The following AHCYL2 variants were observed in gnomAD, a reference collection of about 807,000 sequenced individuals.
AHCYL2 encodes adenosylhomocysteinase like 2, also known as S-adenosylhomocysteine hydrolase-like protein 2.
AHCYL2 carries 28 observed loss-of-function variants against 81.4 expected under a neutral mutation model. The ratio of observed to expected loss-of-function variants is 0.34; its 90% CI spans 0.25 to 0.47. The LOEUF (loss-of-function observed/expected upper bound fraction) is 0.47, where lower values mean the gene tolerates loss of function less well. Among genes scored for constraint, AHCYL2 ranks in the 20% least tolerant of loss-of-function variants. The probability of loss-of-function intolerance (pLI) is 1.00; values close to 1 mark genes in which losing one functional copy is unlikely to be tolerated. For missense variants in AHCYL2, 551 were observed against 785.1 expected, an observed-to-expected ratio of 0.70 and a Z score of 3.56; for synonymous variants, 272 against 290.2, an observed-to-expected ratio of 0.94 and a Z score of 0.64.
chr7:129,397,467 C>G, intron 5 of AHCYL2, 143 bp downstream of exon 5: 1 of 855,424 alleles, frequency 1.2e-6, no homozygotes, highest in Non-Finnish European at 1.8e-6. Flanking sequence ...TGAATTTGCT[C>G]TTTTTCTGGC....
chr7:129,401,313 G>A (rs1218321204), intron 6 of AHCYL2, among the ~76,000 whole-genome samples: 1 of 150,704 alleles, frequency 6.6e-6, no homozygotes, highest in Non-Finnish European at 1.5e-5. Context: ...CTGGGTGAGA[G>A]AGTGAAACCA....
At chr7:129,303,078 G>A (rs531994728) in intron 1 of AHCYL2, among the ~76,000 whole-genome samples, 92 of 152,216 alleles carry the variant, frequency 6.0e-4, no homozygotes, top group African/African-American at 2.0e-3. Flanking sequence ...TTGGCTCACC[G>A]CAACCTCTGC....
intron 1 of AHCYL2, among the ~76,000 whole-genome samples, chr7:129,308,994 G>T (rs186652335): frequency 2.5e-4 from 38 of 152,282 alleles, no homozygotes; most frequent in Admixed American, 2.0e-3. Flanking sequence ...ACTTTGGGAG[G>T]CTGAGACCAG....
intron 12 of AHCYL2, among the ~76,000 whole-genome samples, chr7:129,414,043 A>G (rs1796724028): frequency 6.6e-6 from 1 of 152,206 alleles, no homozygotes; most frequent in Non-Finnish European, 1.5e-5. Flanking sequence ...GGTAGTCAGT[A>G]TTTTGGGGGT....
chr7:129,388,893 C>T, intron 2 of AHCYL2, 163 bp from the exon 3 acceptor site: 2 of 651,480 alleles, frequency 3.1e-6, no homozygotes, highest in South Asian at 2.5e-5. Flanking sequence ...CAATCTCTTT[C>T]AGCTTCCCTC....
chr7:129,302,964 A>G (rs1797303906), intron 1 of AHCYL2, among the ~76,000 whole-genome samples: 1 of 152,170 alleles, frequency 6.6e-6, no homozygotes, highest in African/African-American at 2.4e-5. Flanking sequence ...AAAATTCAGC[A>G]GTGAAGCCAT....
chr7:129,405,869 A>C lies in AHCYL2; in HGVS notation c.1176A>C (p.Gly392=), dbSNP rs778363765. ...LKRTTDMMFG[G]KQVVVCGYGE... ...GGACAACAGACATGATGTTTGGTGG[A>C]AAGCAAGTGGTAGTCTGTGGCTATG... The change falls in exon 9 of 17, where the codon GGA becomes GGC. Residue 392 remains glycine (G), a synonymous_variant. Coordinates refer to ENST00000325006, the MANE Select transcript of AHCYL2 (RefSeq NM_015328.4). 6.2e-7 allele frequency: 1 copy of C among 1,613,826 alleles called. No individual in the cohort carries two copies. The highest frequency in any genetic ancestry group is 8.5e-7 in the Non-Finnish European group (1 of 1,179,866).
intron 1 of AHCYL2, among the ~76,000 whole-genome samples, chr7:129,270,666 G>C (rs1795978925): frequency 6.6e-6 from 1 of 152,170 alleles, no homozygotes; most frequent in Admixed American, 6.5e-5. Context: ...ATGACTAAGA[G>C]ACTTAGTTTT....
Position 129,427,200 on chromosome 7 carries a change from A to C in AHCYL2, c.*155A>C. 2 of 785,224 alleles carry C rather than the reference A, an allele frequency of 2.5e-6. No individual in the cohort carries two copies. Among genetic ancestry groups the C allele is most frequent in the East Asian group, 2.8e-5 (1 of 36,270 alleles). The allele number at this position is 785,224 out of a possible 1,614,324, so 48.6% of individuals were successfully genotyped here. A position where few individuals can be genotyped will look rare whatever the true frequency, so the allele number is the denominator to read the frequency against. On this transcript the variant is annotated 3_prime_UTR_variant, in exon 17 of 17. Transcript: ENST00000325006. This position sits in a 1 kb window ranked among gnomAD's most constrained non-coding sequence, Gnocchi z 5.5. ...GGTTATTTATTTATTAAAATCAAGA[A>C]TCCTGTGCCTGTAGTGTTGGCCCAG...
At chr7:129,411,693 AG>A (rs1796586754) in intron 11 of AHCYL2, among the ~76,000 whole-genome samples, 1 of 149,262 alleles carries the variant, frequency 6.7e-6, no homozygotes, top group African/African-American at 2.5e-5. Context: ...TGGAAGGTGG[AG>A]GTTGCAGTGA....
chr7:129,239,029 A>T (rs13234716), intron 1 of AHCYL2, among the ~76,000 whole-genome samples: 1 of 138,252 alleles, frequency 7.2e-6, no homozygotes, highest in East Asian at 2.4e-4. Flanking sequence ...GCAATCAGGG[A>T]TCATTTACCT....
chr7:129,251,299 A>T (rs1276780118), intron 1 of AHCYL2, among the ~76,000 whole-genome samples: 1 of 149,340 alleles, frequency 6.7e-6, no homozygotes, highest in Non-Finnish European at 1.5e-5. Flanking sequence ...TATTGTTAAC[A>T]GCTGGCAGAT....
At chr7:129,396,616 G>T (rs1416613518) in intron 4 of AHCYL2, among the ~76,000 whole-genome samples, 1 of 152,050 alleles carries the variant, frequency 6.6e-6, no homozygotes, top group Non-Finnish European at 1.5e-5. Flanking sequence ...TAGAGATAGG[G>T]TTTCACCATG....
chr7:129,273,639 G>T (rs1796097388), intron 1 of AHCYL2, among the ~76,000 whole-genome samples: 1 of 152,064 alleles, frequency 6.6e-6, no homozygotes, highest in African/African-American at 2.4e-5. Context: ...ACTTCAGAAA[G>T]ATTTAAGACA....
At chr7:129,308,615 A>G (rs1182526671) in intron 1 of AHCYL2, among the ~76,000 whole-genome samples, 2 of 152,098 alleles carry the variant, frequency 1.3e-5, no homozygotes, top group East Asian at 3.8e-4. Context: ...TGCAGGGAGG[A>G]TGATCAGTGG....
At chr7:129,261,735 A>G (rs542718997) in intron 1 of AHCYL2, among the ~76,000 whole-genome samples, 143 of 152,188 alleles carry the variant, frequency 9.4e-4, no homozygotes, top group Middle Eastern at 6.8e-3. Flanking sequence ...ATTGCACTTT[A>G]TTGTTTCTAG....
In AHCYL2 at chr7:129,429,915, C is replaced by A. The variant is rs569770429; in HGVS notation, c.*2870C>A. 6.6e-6 allele frequency: 1 copy of A among 152,374 alleles called. No individual in the cohort carries two copies. The highest frequency in any genetic ancestry group is 1.5e-5 in the Non-Finnish European group (1 of 68,002). 9.4% of individuals were successfully genotyped at this position (152,374 alleles called of 1,614,324 possible). A position where few individuals can be genotyped will look rare whatever the true frequency, so the allele number is the denominator to read the frequency against. ...TTTGCCGTGGTTTTTAAAAAGGAAT[C>A]AAAATGCATTGTTGCATTAAGCTTT... is the stretch of plus-strand genomic sequence containing the variant. On this transcript the variant is annotated 3_prime_UTR_variant, in exon 17 of 17. Transcript: ENST00000325006.
intron 2 of AHCYL2, among the ~76,000 whole-genome samples, chr7:129,385,932 T>C (rs1795179788): frequency 6.6e-6 from 1 of 152,220 alleles, no homozygotes; most frequent in Non-Finnish European, 1.5e-5. Flanking sequence ...ACTGTCATCA[T>C]GAGTTTGTTA....
rs79427458 is a variant in AHCYL2 at position 129,304,009 on chromosome 7, C to G, written c.364-75629C>G. On this transcript the variant is annotated intron_variant, in intron 1 of 16. Coordinates refer to ENST00000325006, the MANE Select transcript of AHCYL2 (RefSeq NM_015328.4). ...GGCTGAGGCGCAAGACTCACTTGAA[C>G]CTGGGAGCTGGAGGTTGCATTGAGC... Among the ~76,000 whole-genome samples, 517 of 152,180 alleles carry G rather than the reference C, an allele frequency of 3.4e-3. 1 individual carries two copies. The highest frequency in any genetic ancestry group is 0.012 in the African/African-American group (500 of 41,506).
Sources: gnomAD v4.1 joint callset for allele counts (sites outside exome capture counted in the v4.1 genomes callset) on GRCh38, gnomAD v4.1.1 for gene constraint, Gnocchi (gnomAD v3.1) non-coding constraint, MANE v1.5 for transcripts, NCBI Gene and HGNC (gene_info 2026-07-23, HGNC 2026-07-21) for gene names.